FGGY: variants seen among roughly 807,000 people sequenced by gnomAD.
The protein encoded by FGGY is FGGY carbohydrate kinase domain-containing protein.
Under a neutral mutation model 71.3 loss-of-function variants are expected in FGGY, and 72 were observed. That is an observed-to-expected ratio of 1.01 (90% CI 0.84 to 1.23). The LOEUF (loss-of-function observed/expected upper bound fraction) is 1.23. Among genes scored for constraint, FGGY ranks in the 50% most tolerant of loss-of-function variants. The pLI is 0.00. For synonymous variants in FGGY, 251 were observed against 250.3 expected, an observed-to-expected ratio of 1.00 and a Z score of -0.02; for missense variants, 668 against 682.3, an observed-to-expected ratio of 0.98 and a Z score of 0.23.
intron 11 of FGGY, among the ~76,000 whole-genome samples, chr1:59,656,974 A>G (rs1285630382): frequency 3.3e-5 from 5 of 152,172 alleles, no homozygotes; most frequent in Non-Finnish European, 5.9e-5. Context: ...TGAGCTCTGG[A>G]GGCACTGGAA....
chr1:59,522,896 G>A (rs868800637), intron 7 of FGGY, among the ~76,000 whole-genome samples: 12 of 152,172 alleles, frequency 7.9e-5, no homozygotes, highest in African/African-American at 2.9e-4. Flanking sequence ...GGAGCAAGGT[G>A]TCTTATTCTG....
chr1:59,574,942 T>C (rs2096053942), intron 8 of FGGY, among the ~76,000 whole-genome samples: 1 of 152,174 alleles, frequency 6.6e-6, no homozygotes, highest in Admixed American at 6.5e-5. Flanking sequence ...TAGTTATCTT[T>C]TATGGTTTTT....
At chr1:59,688,970 G>A (rs1288184481) in intron 14 of FGGY, among the ~76,000 whole-genome samples, 1 of 152,070 alleles carries the variant, frequency 6.6e-6, no homozygotes, top group Non-Finnish European at 1.5e-5. Flanking sequence ...GGCTGGTCTC[G>A]AACTCCTGAC....
chr1:59,641,257 G>T (rs747157058), intron 11 of FGGY: 1 of 1,597,608 alleles, frequency 6.3e-7, no homozygotes, highest in East Asian at 2.2e-5. Context: ...AATAAAAAAA[G>T]AAAATTTTCT....
chr1:59,590,622 G>A (rs2096412585), intron 8 of FGGY, among the ~76,000 whole-genome samples: 1 of 152,180 alleles, frequency 6.6e-6, no homozygotes, highest in Non-Finnish European at 1.5e-5. Flanking sequence ...TGGGATGTAA[G>A]GCTGGTTCAA....
At chr1:59,407,179 T>C (rs938710982) in intron 5 of FGGY, among the ~76,000 whole-genome samples, 1 of 152,236 alleles carries the variant, frequency 6.6e-6, no homozygotes, top group Admixed American at 6.5e-5. Context: ...TGGTTGGTCC[T>C]GGGTCTCGAG....
intron 5 of FGGY, among the ~76,000 whole-genome samples, chr1:59,387,574 G>T (rs2060218660): frequency 6.6e-6 from 1 of 151,768 alleles, no homozygotes. Context: ...TTCAATTTTG[G>T]TGAGAATTTA....
At chr1:59,547,407 G>C (rs2095543233) in intron 7 of FGGY, among the ~76,000 whole-genome samples, 1 of 152,134 alleles carries the variant, frequency 6.6e-6, no homozygotes, top group Non-Finnish European at 1.5e-5. Flanking sequence ...TAGTTGAAAA[G>C]AAAGGAACTA....
At chr1:59,621,419 T>C (rs2096805109) in intron 9 of FGGY, among the ~76,000 whole-genome samples, 2 of 144,614 alleles carry the variant, frequency 1.4e-5, no homozygotes, top group Non-Finnish European at 3.0e-5. Context: ...CCATGTGATA[T>C]CTTTTCCCAA....
At chr1:59,340,941 C>T (rs907312346) in intron 3 of FGGY, among the ~76,000 whole-genome samples, 1 of 152,124 alleles carries the variant, frequency 6.6e-6, no homozygotes, top group Non-Finnish European at 1.5e-5. Context: ...AAGGGAAGGG[C>T]CAGCTCTAGG....
chr1:59,637,579 G>A (rs1319523691), intron 10 of FGGY, among the ~76,000 whole-genome samples: 1 of 152,024 alleles, frequency 6.6e-6, no homozygotes, highest in Non-Finnish European at 1.5e-5. Flanking sequence ...TCCCACCTGG[G>A]CAACAAGACT....
chr1:59,753,723 T>C (rs2098267115), intron 14 of FGGY, among the ~76,000 whole-genome samples: 1 of 151,734 alleles, frequency 6.6e-6, no homozygotes, highest in South Asian at 2.1e-4. Context: ...TTTTAACAAG[T>C]TATATGGAGC....
chr1:59,358,817 T>C (rs1476630564), intron 4 of FGGY, among the ~76,000 whole-genome samples: 1 of 152,234 alleles, frequency 6.6e-6, no homozygotes, highest in Non-Finnish European at 1.5e-5. Flanking sequence ...CTAGACTTTA[T>C]TAAATATCCA....
intron 12 of FGGY, among the ~76,000 whole-genome samples, chr1:59,665,188 G>A (rs994992514): frequency 5.9e-5 from 9 of 151,906 alleles, no homozygotes; most frequent in African/African-American, 2.2e-4. Context: ...TTTTTCTGGG[G>A]AGGTCAGTAG....
chr1:59,489,578 C>G (rs2093762800), intron 6 of FGGY, among the ~76,000 whole-genome samples: 1 of 152,026 alleles, frequency 6.6e-6, no homozygotes, highest in East Asian at 1.9e-4. Flanking sequence ...AATAGTATTC[C>G]ATTGTGTATG....
intron 5 of FGGY, among the ~76,000 whole-genome samples, chr1:59,455,738 G>T (rs992883287): frequency 1.3e-5 from 2 of 152,224 alleles, no homozygotes; most frequent in Admixed American, 1.3e-4. Context: ...CATACTCCAT[G>T]CTCTGGGAAA....
rs74828837 is a variant in FGGY, at chr1:59,350,864, G to A, written c.465+4466G>A. On this transcript the variant is annotated intron_variant, in intron 4 of 15. Coordinates refer to ENST00000303721, the MANE Select transcript of FGGY (RefSeq NM_018291.5). ...TGTCATTTTTACCTCTTCCTCTCTCGTCACTGTTTGTCTTTTACATCCTAG... is the reference window on the plus strand; with the variant it reads ...TGTCATTTTTACCTCTTCCTCTCTCATCACTGTTTGTCTTTTACATCCTAG... Among the ~76,000 whole-genome samples the A allele has an allele frequency of 2.7e-3, 410 of 152,178 alleles. 14 individuals are homozygous for A. The East Asian group carries it at 0.073, about 27-fold the overall frequency.
chr1:59,478,928 T>C (rs1439646549), intron 6 of FGGY, among the ~76,000 whole-genome samples: 1 of 152,210 alleles, frequency 6.6e-6, no homozygotes, highest in African/African-American at 2.4e-5. Flanking sequence ...AGATAAGGAC[T>C]GGACACTGTT....
At chr1:59,321,475 T>C in intron 1 of FGGY, 61 bp from the exon 2 acceptor site, 1 of 1,462,494 alleles carries the variant, frequency 6.8e-7, no homozygotes, top group Non-Finnish European at 9.4e-7. Context: ...TTGAGATGTT[T>C]TGTGACTGTC....
Sources: allele counts gnomAD v4.1 joint callset (sites outside exome capture counted in the v4.1 genomes callset), GRCh38; gene constraint gnomAD v4.1.1; transcripts MANE v1.5; gene names NCBI Gene and HGNC (gene_info 2026-07-23, HGNC 2026-07-21).